Variants in PTPRD observed in about 807,000 individuals in gnomAD.
PTPRD encodes the protein protein tyrosine phosphatase receptor type D, also known as receptor-type tyrosine-protein phosphatase delta.
Under a neutral mutation model 214.5 loss-of-function variants are expected in PTPRD, and 34 were observed. The ratio of observed to expected loss-of-function variants is 0.16; its 90% confidence interval spans 0.12 to 0.21. The LOEUF (loss-of-function observed/expected upper bound fraction) is 0.21. Ranked by LOEUF, PTPRD falls within the 10% of genes least tolerant of loss-of-function variation. PTPRD has a pLI of 1.00. For missense variants in PTPRD, 2,545 were observed against 2,398.7 expected, an observed-to-expected ratio of 1.06 and a Z score of -1.27; for synonymous variants, 1,128 against 845.7, an observed-to-expected ratio of 1.33 and a Z score of -5.79.
At chr9:9,524,348 A>G (rs918613322) in intron 8 of PTPRD, among the ~76,000 whole-genome samples, 2 of 152,080 alleles carry the variant, frequency 1.3e-5, no homozygotes, top group Non-Finnish European at 2.9e-5. Flanking sequence ...ACTCTAACAA[A>G]TATGTCTAGG....
chr9:9,153,140 G>C lies in PTPRD; in HGVS notation c.-143+30164C>G, dbSNP rs552760403. On this transcript the variant is annotated intron_variant, in intron 10 of 45. Coordinates refer to ENST00000381196, the MANE Select transcript of PTPRD (RefSeq NM_002839.4). ...CTGTGCGTTCACGAAATGTGAAGGA[G>C]GGAATTAAACCTGTAACTCAGCCAG... Among the ~76,000 whole-genome samples, 9 of 152,304 alleles carry C rather than the reference G, an allele frequency of 5.9e-5. No individual in the cohort carries two copies. In the South Asian group the frequency reaches 1.9e-3, roughly 32 times the overall value.
At chr9:8,828,967 T>A (rs1313757418) in intron 11 of PTPRD, among the ~76,000 whole-genome samples, 1 of 152,260 alleles carries the variant, frequency 6.6e-6, no homozygotes, top group South Asian at 2.1e-4. Context: ...AAGAAACACA[T>A]ATTCTTGGAA....
chr9:9,789,716 G>A (rs1003139616), intron 5 of PTPRD, among the ~76,000 whole-genome samples: 1 of 138,242 alleles, frequency 7.2e-6, no homozygotes, highest in Non-Finnish European at 1.5e-5. Context: ...AGAATGGCGT[G>A]AACCTGGGAG....
At chr9:9,029,751 T>TGAA (rs2099598560) in intron 10 of PTPRD, among the ~76,000 whole-genome samples, 1 of 151,976 alleles carries the variant, frequency 6.6e-6, no homozygotes, top group South Asian at 2.1e-4. Context: ...CTCAGTGGAA[T>TGAA]GAAGAGTGTA....
intron 9 of PTPRD, among the ~76,000 whole-genome samples, chr9:9,275,078 ATATAATATATATGTT>A (rs1569566652): frequency 4.1e-5 from 3 of 73,990 alleles, no homozygotes; most frequent in Non-Finnish European, 5.2e-5. Context: ...ATATATATAT[ATATAATATATATGTT>A]ATATATATAA....
chr9:10,307,763 C>T (rs918051785), intron 3 of PTPRD, among the ~76,000 whole-genome samples: 6 of 151,924 alleles, frequency 3.9e-5, no homozygotes, highest in Non-Finnish European at 8.8e-5. Flanking sequence ...GCCATTCTAA[C>T]TGGGGTAGAA....
chr9:9,446,772 A>G (rs1283623626), intron 8 of PTPRD, among the ~76,000 whole-genome samples: 3 of 152,188 alleles, frequency 2.0e-5, no homozygotes, highest in Non-Finnish European at 4.4e-5. Flanking sequence ...GCATTTGACA[A>G]GGGTCTAGTA....
intron 2 of PTPRD, among the ~76,000 whole-genome samples, chr9:10,417,849 C>T (rs1024377137): frequency 3.3e-5 from 5 of 151,658 alleles, no homozygotes; most frequent in African/African-American, 1.2e-4. Flanking sequence ...TTCAAATCTT[C>T]CATTAACTTG....
chr9:8,643,692 G>C (rs556207060), intron 12 of PTPRD, among the ~76,000 whole-genome samples: 24 of 152,356 alleles, frequency 1.6e-4, no homozygotes, highest in African/African-American at 5.3e-4. Flanking sequence ...CTGACTGAGT[G>C]TGCACATGTT....
At chr9:9,263,673 T>G (rs2099981126) in intron 9 of PTPRD, among the ~76,000 whole-genome samples, 1 of 151,690 alleles carries the variant, frequency 6.6e-6, no homozygotes, top group South Asian at 2.1e-4. Context: ...GAAATTTTCA[T>G]CTGCTAGCCA....
chr9:9,685,860 T>G, intron 7 of PTPRD, among the ~76,000 whole-genome samples: 1 of 151,512 alleles, frequency 6.6e-6, no homozygotes, highest in South Asian at 2.1e-4. Flanking sequence ...TACCAGTAAC[T>G]TTGATTCATT....
intron 5 of PTPRD, among the ~76,000 whole-genome samples, chr9:9,907,223 A>G (rs75001089): frequency 0.025 from 3,862 of 152,046 alleles, 84 homozygotes; most frequent in South Asian, 0.056. Context: ...TGTCATATAC[A>G]TGATGATTAT....
At chr9:8,730,188 G>A (rs1033607015) in intron 12 of PTPRD, among the ~76,000 whole-genome samples, 3 of 152,088 alleles carry the variant, frequency 2.0e-5, no homozygotes, top group Admixed American at 6.6e-5. Context: ...CCCAGGAGGC[G>A]GAGCTTGCAC....
At chr9:9,102,098 T>C (rs920414187) in intron 10 of PTPRD, among the ~76,000 whole-genome samples, 2 of 152,218 alleles carry the variant, frequency 1.3e-5, no homozygotes, top group Non-Finnish European at 2.9e-5. Flanking sequence ...TTCTTTTAAA[T>C]GTAAATATTG....
intron 3 of PTPRD, among the ~76,000 whole-genome samples, chr9:10,256,099 A>G (rs915298220): frequency 1.3e-5 from 2 of 152,208 alleles, no homozygotes; most frequent in African/African-American, 4.8e-5. Flanking sequence ...CTTTATAAGA[A>G]TTTAATGCCT....
chr9:9,906,776 T>C (rs1169480950), intron 5 of PTPRD, among the ~76,000 whole-genome samples: 1 of 151,986 alleles, frequency 6.6e-6, no homozygotes, highest in African/African-American at 2.4e-5. Flanking sequence ...CATGGAGTTT[T>C]TTGTTACAGA....
At position 8,436,616 on chromosome 9, in the gene PTPRD, G is replaced by C; in HGVS notation, c.4062C>G (p.Asn1354Lys). The C allele has an allele frequency of 6.2e-7, 1 of 1,613,252 alleles. No individual in the cohort carries two copies. The highest frequency in any genetic ancestry group is 8.5e-7 in the Non-Finnish European group (1 of 1,179,478). ...DHIERLKAND[N>K]LKFSQEYESI... ...CCTCATATTCCTGGGAAAACTTCAA[G>C]TTGTCATTTGCTTTCAATCTTTCAA... Residue 1354 changes from asparagine to lysine, a missense_variant, in exon 35 of 46, where the codon AAC (asparagine) becomes AAG (lysine). By Grantham distance (94) the Asn-to-Lys change is moderately conservative. Coordinates refer to ENST00000381196, the MANE Select transcript of PTPRD (RefSeq NM_002839.4).
chr9:8,968,887 A>C (rs901451013), intron 11 of PTPRD, among the ~76,000 whole-genome samples: 1 of 152,140 alleles, frequency 6.6e-6, no homozygotes, highest in African/African-American at 2.4e-5. Flanking sequence ...AAAGATTTTT[A>C]TTCACTGAAG....
At chr9:9,209,851 G>A (rs2099947389) in intron 9 of PTPRD, among the ~76,000 whole-genome samples, 1 of 152,080 alleles carries the variant, frequency 6.6e-6, no homozygotes, top group African/African-American at 2.4e-5. Context: ...GCTGACAGAA[G>A]ATATGAAACT....
Sources: gnomAD v4.1 joint callset for allele counts (sites outside exome capture counted in the v4.1 genomes callset) on GRCh38, gnomAD v4.1.1 for gene constraint, MANE v1.5 for transcripts, NCBI Gene and HGNC (gene_info 2026-07-23, HGNC 2026-07-21) for gene names.